Variants in PAK5 observed in about 807,000 individuals in gnomAD.
The protein encoded by PAK5 is serine/threonine-protein kinase PAK 5.
In PAK5, 16 loss-of-function variants were observed where a neutral mutation model predicts 65.9. The ratio of observed to expected loss-of-function variants is 0.24; its 90% CI spans 0.16 to 0.37. PAK5 has a LOEUF of 0.37. PAK5 is among the 10% of genes least tolerant of loss of function. PAK5 has a pLI of 1.00. For missense variants in PAK5, 785 were observed against 903.9 expected (o/e 0.87, Z 1.69); for synonymous variants, 371 against 354.9 (o/e 1.05, Z -0.51).
intron 4 of PAK5, among the ~76,000 whole-genome samples, chr20:9,579,427 G>T (rs1014957070): frequency 6.6e-6 from 1 of 152,040 alleles, no homozygotes; most frequent in Non-Finnish European, 1.5e-5. Context: ...TAACTTCTCC[G>T]GCAGTGATTC....
rs537897711 is a variant in PAK5 at position 9,552,641 on chromosome 20, G to A, written c.1743+4967C>T. 1.8e-4 allele frequency among the ~76,000 whole-genome samples: 27 copies of A among 152,084 alleles called. 2 individuals carry two copies. Among genetic ancestry groups the A allele is most frequent in the Middle Eastern group, 6.8e-3 (2 of 294 alleles). On this transcript the variant is annotated intron_variant, in intron 7 of 9. Coordinates refer to ENST00000353224, the MANE Select transcript of PAK5 (RefSeq NM_177990.4). ...AAAGATAATTTATCTAGTCTTTTGA[G>A]AGGACAGAAAGCATTCATTCTTTCA...
chr20:9,649,565 CTT>C (rs2047176634), intron 2 of PAK5, among the ~76,000 whole-genome samples: 1 of 152,224 alleles, frequency 6.6e-6, no homozygotes, highest in Non-Finnish European at 1.5e-5. Context: ...TTGTCCCTAA[CTT>C]AGTGGGTTGC....
intron 2 of PAK5, among the ~76,000 whole-genome samples, chr20:9,698,088 T>C (rs2047892667): frequency 6.6e-6 from 1 of 152,140 alleles, no homozygotes; most frequent in South Asian, 2.1e-4. Flanking sequence ...AAAAATCAGA[T>C]AGCATTACAA....
intron 1 of PAK5, among the ~76,000 whole-genome samples, chr20:9,722,165 C>T (rs1029605958): frequency 6.6e-6 from 1 of 152,062 alleles, no homozygotes; most frequent in Non-Finnish European, 1.5e-5. Flanking sequence ...TTATAGACAA[C>T]AGCAGGGTCA....
intron 7 of PAK5, among the ~76,000 whole-genome samples, chr20:9,553,555 TGA>T (rs1411012394): frequency 1.3e-5 from 2 of 149,622 alleles, no homozygotes; most frequent in African/African-American, 4.9e-5. Flanking sequence ...TGTTATTTCA[TGA>T]GTGTGTGTGT....
intron 2 of PAK5, among the ~76,000 whole-genome samples, chr20:9,658,346 T>C (rs963402501): frequency 6.6e-6 from 1 of 152,214 alleles, no homozygotes; most frequent in Non-Finnish European, 1.5e-5. Context: ...GGAAACTGAC[T>C]GGTCTAGGAT....
chr20:9,746,593 TA>T (rs1217180969), intron 1 of PAK5, among the ~76,000 whole-genome samples: 1 of 151,992 alleles, frequency 6.6e-6, no homozygotes, highest in Non-Finnish European at 1.5e-5. Context: ...AAATGTTCCA[TA>T]AAAAAAGATA....
intron 1 of PAK5, among the ~76,000 whole-genome samples, chr20:9,769,893 G>T (rs1481276359): frequency 6.6e-6 from 1 of 152,120 alleles, no homozygotes; most frequent in Non-Finnish European, 1.5e-5. Flanking sequence ...ACTAAATATG[G>T]TACAAAGAAA....
At chr20:9,669,171 G>A (rs998425314) in intron 2 of PAK5, among the ~76,000 whole-genome samples, 1 of 152,184 alleles carries the variant, frequency 6.6e-6, no homozygotes, top group African/African-American at 2.4e-5. Flanking sequence ...CAAACAGTGG[G>A]CAATATCCAT....
At chr20:9,631,079 A>C (rs1422214584) in intron 3 of PAK5, among the ~76,000 whole-genome samples, 2 of 152,198 alleles carry the variant, frequency 1.3e-5, no homozygotes, top group African/African-American at 2.4e-5. Context: ...CTTTGAGATG[A>C]TGCTGCAATG....
intron 1 of PAK5, among the ~76,000 whole-genome samples, chr20:9,800,007 A>AAAGATAGT (rs964471844): frequency 1.3e-5 from 2 of 151,760 alleles, no homozygotes; most frequent in African/African-American, 4.8e-5. Context: ...TTGACAAATG[A>AAAGATAGT]AAGATAGTGT....
chr20:9,565,951 A>T lies in PAK5; in HGVS notation c.1424T>A (p.Val475Asp), dbSNP rs775902271. The T allele has an allele frequency of 1.9e-6, 3 of 1,612,980 alleles. No homozygotes were observed. The highest frequency in any genetic ancestry group is 2.7e-5 in the African/African-American group (2 of 74,556). Residue 475 changes from valine (V) to aspartate (D), a missense_variant, in exon 5 of 10, where the codon GTT becomes GAT. Val to Asp is a radical substitution (Grantham distance 152). Around this residue, in one of 4 missense-constraint regions of PAK5, gnomAD observed 182 missense variants for 273.0 expected, o/e 0.67. Coordinates refer to ENST00000353224, the MANE Select transcript of PAK5 (RefSeq NM_177990.4). ...CCGGAGGTCCATTTTCTTCACTGCA[A>T]CTTGTTTCCCTGTGTGTTTCTCGGT... is the stretch of plus-strand genomic sequence containing the variant. Reference protein sequence around the residue: ...IATEKHTGKQVAVKKMDLRKQ... With the variant: ...IATEKHTGKQDAVKKMDLRKQ...
intron 2 of PAK5, among the ~76,000 whole-genome samples, chr20:9,703,205 T>C (rs1465475296): frequency 6.6e-6 from 1 of 152,250 alleles, no homozygotes; most frequent in East Asian, 1.9e-4. Context: ...ACTATCGGGA[T>C]CAGCTCCAAG....
At chr20:9,662,001 C>A (rs970669064) in intron 2 of PAK5, among the ~76,000 whole-genome samples, 1 of 152,084 alleles carries the variant, frequency 6.6e-6, no homozygotes, top group Admixed American at 6.5e-5. Flanking sequence ...AGACAGAAGG[C>A]CCTTCAGATA....
rs566738165 is a variant in PAK5 at position 9,650,093 on chromosome 20, C to T, written c.-11-5754G>A. ...CAGCCTCTCTCAGATGGAGAGTCCT[C>T]CATTCTACATGGAGTTAACTCCAGA... On this transcript the variant is annotated intron_variant, in intron 2 of 9. Transcript: ENST00000353224. Among the ~76,000 whole-genome samples the T allele has an allele frequency of 6.6e-4, 101 of 152,270 alleles. 1 individual carries two copies. The highest frequency in any genetic ancestry group is 2.4e-3 in the African/African-American group (100 of 41,552).
chr20:9,759,193 A>T (rs931818083), intron 1 of PAK5, among the ~76,000 whole-genome samples: 2 of 152,200 alleles, frequency 1.3e-5, no homozygotes, highest in African/African-American at 4.8e-5. Context: ...AGCAAGTTAT[A>T]TAAGATGATG....
intron 3 of PAK5, among the ~76,000 whole-genome samples, chr20:9,622,538 C>T (rs922593389): frequency 1.3e-5 from 2 of 152,294 alleles, no homozygotes; most frequent in African/African-American, 2.4e-5. Flanking sequence ...GTCCAACCCG[C>T]GGGTCATGGA....
chr20:9,681,414 A>C, intron 2 of PAK5, among the ~76,000 whole-genome samples: 1 of 152,146 alleles, frequency 6.6e-6, no homozygotes, highest in East Asian at 1.9e-4. Context: ...AAAATAAACT[A>C]TCTTGCTTAA....
At chr20:9,544,719 C>T (rs542186869) in intron 7 of PAK5, among the ~76,000 whole-genome samples, 1 of 152,282 alleles carries the variant, frequency 6.6e-6, no homozygotes, top group South Asian at 2.1e-4. Context: ...AATGTCTCAA[C>T]TCCTGCTGCT....
Sources: allele counts gnomAD v4.1 joint callset (sites outside exome capture counted in the v4.1 genomes callset), GRCh38; gene constraint gnomAD v4.1.1; regional missense constraint gnomAD v4.1.1; transcripts MANE v1.5; gene names NCBI Gene and HGNC (gene_info 2026-07-23, HGNC 2026-07-21).